SVIL: variants seen among roughly 807,000 people sequenced by gnomAD.
The protein encoded by SVIL is archvillin.
A neutral mutation model predicts 240.4 loss-of-function variants in SVIL; 101 were observed. The observed-to-expected ratio is 0.42, with a 90% CI of 0.36 to 0.50. SVIL has a LOEUF of 0.50. Ranked by LOEUF, SVIL falls within the 20% of genes least tolerant of loss-of-function variation. SVIL has a pLI of 0.01. For synonymous variants in SVIL, 999 were observed against 1,100.0 expected (o/e 0.91, Z 1.82); for missense variants, 2,512 against 2,818.7 (o/e 0.89, Z 2.46).
At chr10:29,535,339 C>G in intron 7 of SVIL, among the ~76,000 whole-genome samples, 1 of 152,286 alleles carries the variant, frequency 6.6e-6, no homozygotes, top group South Asian at 2.1e-4. Context: ...CTGTGGAATG[C>G]GTGCTCCTGA....
At chr10:29,571,087 A>G (rs1955390451) in intron 1 of SVIL, among the ~76,000 whole-genome samples, 1 of 152,242 alleles carries the variant, frequency 6.6e-6, no homozygotes, top group Non-Finnish European at 1.5e-5. Flanking sequence ...TCAGCCAGCA[A>G]CCACCTTCGT....
chr10:29,682,550 A>T (rs536404388), intron 2 of SVIL, among the ~76,000 whole-genome samples: 1 of 152,354 alleles, frequency 6.6e-6, no homozygotes, highest in South Asian at 2.1e-4. Context: ...CAATTAATAA[A>T]AGGAACCAAA....
intron 13 of SVIL, 152 bp from the exon 14 acceptor site, chr10:29,524,867 G>T: frequency 8.2e-7 from 1 of 1,215,314 alleles, no homozygotes; most frequent in Non-Finnish European, 1.1e-6. Flanking sequence ...CAGCTGTTCA[G>T]CTACTCAACA....
intron 1 of SVIL, among the ~76,000 whole-genome samples, chr10:29,734,354 C>G (rs1461588032): frequency 6.6e-6 from 1 of 152,176 alleles, no homozygotes; most frequent in African/African-American, 2.4e-5. Flanking sequence ...GGGTACAGCA[C>G]ACACCCAGCA....
At chr10:29,504,834 T>A (rs903139111) in intron 17 of SVIL, among the ~76,000 whole-genome samples, 1 of 152,198 alleles carries the variant, frequency 6.6e-6, no homozygotes, top group Admixed American at 6.5e-5. Context: ...GATACAGCAA[T>A]CATGCTCCTT....
intron 1 of SVIL, among the ~76,000 whole-genome samples, chr10:29,616,955 T>C (rs1488720899): frequency 6.6e-6 from 1 of 152,166 alleles, no homozygotes; most frequent in Non-Finnish European, 1.5e-5. Context: ...ACTCCCAACC[T>C]CAGGTGAACC....
At chr10:29,677,097 C>G (rs552462250) in intron 2 of SVIL, among the ~76,000 whole-genome samples, 1 of 152,130 alleles carries the variant, frequency 6.6e-6, no homozygotes, top group Non-Finnish European at 1.5e-5. Context: ...AGAAATAATG[C>G]CAGGGACTAA....
chr10:29,689,535 C>T (rs1961344539), intron 1 of SVIL, among the ~76,000 whole-genome samples: 1 of 152,180 alleles, frequency 6.6e-6, no homozygotes, highest in Admixed American at 6.5e-5. Flanking sequence ...CTGCCCATCT[C>T]GGCCTCCCAA....
chr10:29,732,986 A>G lies in SVIL; in HGVS notation c.-400+2765T>C, dbSNP rs186007361. 3.9e-5 allele frequency among the ~76,000 whole-genome samples: 6 copies of G among 152,284 alleles called. No homozygotes were observed. In the East Asian group the frequency reaches 1.2e-3, roughly 29 times the overall value. ...GGCAAAACCAGGAGAAAAGCTCTAC[A>G]GTTCTGGAGCTCCTTGTAAACTCCT... On this transcript the variant is annotated intron_variant, in intron 1 of 35. Coordinates refer to the SVIL transcript ENST00000375400.
At chr10:29,586,206 G>A (rs1325457650) in intron 1 of SVIL, among the ~76,000 whole-genome samples, 1 of 152,222 alleles carries the variant, frequency 6.6e-6, no homozygotes, top group Non-Finnish European at 1.5e-5. Flanking sequence ...AAAAAGGAGA[G>A]GGGAGGCTGG....
chr10:29,500,716 T>A (rs1333960247), intron 17 of SVIL, among the ~76,000 whole-genome samples: 1 of 152,142 alleles, frequency 6.6e-6, no homozygotes, highest in Non-Finnish European at 1.5e-5. Context: ...CTAAGAAGTC[T>A]CCATGGATCA....
intron 2 of SVIL, among the ~76,000 whole-genome samples, chr10:29,674,620 T>C (rs1960057835): frequency 6.6e-6 from 1 of 152,178 alleles, no homozygotes; most frequent in Admixed American, 6.5e-5. Context: ...AGGTCTCCAT[T>C]TGGATTGTTT....
intron 33 of SVIL, 101 bp downstream of exon 33, chr10:29,467,638 AGCT>A (rs1945075591): frequency 6.9e-7 from 1 of 1,450,162 alleles, no homozygotes; most frequent in African/African-American, 1.4e-5. Flanking sequence ...AGCTGCAGTG[AGCT>A]GTGATCATAC....
chr10:29,507,564 C>CACAT (rs1247834097), intron 17 of SVIL, among the ~76,000 whole-genome samples: 6 of 151,166 alleles, frequency 4.0e-5, no homozygotes, highest in Admixed American at 2.0e-4. Context: ...CTCATAGATA[C>CACAT]ACACTCTCAT....
rs77460797 is a variant in SVIL at position 29,584,599 on chromosome 10, T to G, written c.-200-15287A>C. On this transcript the variant is annotated intron_variant, in intron 1 of 37. Transcript: ENST00000355867. ...CTGCCACTGGACTCTCTCCCCTGTA[T>G]GCAAGCCCACAACAGAACCCCGTGC... Among the ~76,000 whole-genome samples, 1,015 of 152,312 alleles carry G rather than the reference T, an allele frequency of 6.7e-3. 16 individuals carry two copies. The highest frequency in any genetic ancestry group is 0.023 in the African/African-American group (962 of 41,570).
At chr10:29,607,196 A>G (rs1039256072) in intron 1 of SVIL, among the ~76,000 whole-genome samples, 2 of 152,182 alleles carry the variant, frequency 1.3e-5, no homozygotes, top group Non-Finnish European at 1.5e-5. Context: ...TTTAAATGAC[A>G]CGTTTCAAAA....
intron 2 of SVIL, among the ~76,000 whole-genome samples, chr10:29,675,859 A>G (rs1295374962): frequency 6.6e-6 from 1 of 152,174 alleles, no homozygotes; most frequent in Non-Finnish European, 1.5e-5. Flanking sequence ...GTTTCTTTTG[A>G]ATAAACATAG....
chr10:29,506,913 T>C (rs1434124841), intron 17 of SVIL, among the ~76,000 whole-genome samples: 1 of 152,128 alleles, frequency 6.6e-6, no homozygotes, highest in African/African-American at 2.4e-5. Flanking sequence ...AGCCTGGCAT[T>C]CATGGAAAAG....
At chr10:29,683,128 T>C (rs1960794897) in intron 2 of SVIL, among the ~76,000 whole-genome samples, 1 of 152,274 alleles carries the variant, frequency 6.6e-6, no homozygotes, top group Middle Eastern at 3.4e-3. Flanking sequence ...AGATGTACAA[T>C]GGTTTGGTCC....
Sources: allele counts gnomAD v4.1 joint callset (sites outside exome capture counted in the v4.1 genomes callset), GRCh38; gene constraint gnomAD v4.1.1; transcripts MANE v1.5; gene names NCBI Gene and HGNC (gene_info 2026-07-23, HGNC 2026-07-21).